The following P4HB variants were observed in gnomAD, a reference collection of about 807,000 sequenced individuals.
The protein encoded by P4HB is prolyl 4-hydroxylase subunit beta.
A neutral mutation model predicts 52.6 loss-of-function variants in P4HB; 20 were observed. The observed-to-expected ratio is 0.38, with a 90% CI of 0.27 to 0.55. The LOEUF is 0.55. P4HB is among the 20% of genes least tolerant of loss of function. The pLI, the probability that P4HB is intolerant of heterozygous loss-of-function variation, is 0.74. For synonymous variants in P4HB, 296 were observed against 277.9 expected, an observed-to-expected ratio of 1.07 and a Z score of -0.65; for missense variants, 601 against 669.2, an observed-to-expected ratio of 0.90 and a Z score of 1.12.
chr17:81,856,943 C>T (rs762070321), intron 2 of P4HB, among the ~76,000 whole-genome samples: 183 of 152,182 alleles, frequency 1.2e-3, no homozygotes, highest in African/African-American at 1.9e-3. Context: ...CCACCATGCC[C>T]GGCCAATTTT....
Position 81,845,124 on chromosome 17 carries a change from A to G in P4HB, c.1446+20T>C. Reference sequence around the variant, plus strand: ...GGGGCTGAATCCCAGAGACCAGCCCAGGGCTGTGACCCCACTCACGTCATC... The same window carrying G: ...GGGGCTGAATCCCAGAGACCAGCCCGGGGCTGTGACCCCACTCACGTCATC... On this transcript the variant is annotated intron_variant, in intron 10 of 10. Transcript: ENST00000331483. 2 of 1,586,792 alleles carry G rather than the reference A, an allele frequency of 1.3e-6. No individual in the cohort carries two copies. The highest frequency in any genetic ancestry group is 1.7e-6 in the Non-Finnish European group (2 of 1,156,346).
chr17:81,847,389 G>A (rs1192323904), intron 4 of P4HB, 42 bp from the exon 5 acceptor site: 2 of 1,533,618 alleles, frequency 1.3e-6, no homozygotes, highest in South Asian at 2.2e-5. Context: ...TTGCTGCTGG[G>A]AGCACAGCCC....
At chr17:81,847,544 G>C in intron 4 of P4HB, 197 bp from the exon 5 acceptor site, 1 of 598,888 alleles carries the variant, frequency 1.7e-6, no homozygotes. Flanking sequence ...CGGCCTTATG[G>C]CTGCCCGTGA....
intron 4 of P4HB, chr17:81,847,866 G>A (rs1454083682): frequency 6.4e-6 from 1 of 157,110 alleles, no homozygotes; most frequent in Non-Finnish European, 1.4e-5. Flanking sequence ...ATTTTTAGTC[G>A]AGATGGGGTA....
Position 81,845,214 on chromosome 17 carries a change from C to T in P4HB, c.1376G>A (p.Gly459Glu), listed in dbSNP as rs2038714761. 4 of 1,613,616 alleles carry T rather than the reference C, an allele frequency of 2.5e-6. No homozygotes were observed. The highest frequency in any genetic ancestry group is 1.7e-5 in the Admixed American group (1 of 60,006). Residue 459 changes from glycine to glutamate, a missense_variant, in exon 10 of 11, where the codon GGG (glycine) becomes GAG (glutamate). By Grantham distance (98) the Gly-to-Glu change is moderately conservative. Transcript: ENST00000331483. ...CTTAAAACCATCCAGCGTGCGTTCC[C>T]CGTTGTAATCAATGACCTGTGGAAG... ...SADRTVIDYN[G>E]ERTLDGFKKF...
intron 10 of P4HB, among the ~76,000 whole-genome samples, chr17:81,844,636 C>T (rs1318939189): frequency 6.6e-6 from 1 of 152,218 alleles, no homozygotes; most frequent in Non-Finnish European, 1.5e-5. Context: ...CCTGGGCTGA[C>T]CATGCCCTCA....
intron 10 of P4HB, among the ~76,000 whole-genome samples, chr17:81,844,456 A>C (rs1255839158): frequency 1.3e-5 from 2 of 152,204 alleles, no homozygotes; most frequent in African/African-American, 2.4e-5. Context: ...CAGCCCCAGC[A>C]TGAAGTCCAG....
intron 4 of P4HB, among the ~76,000 whole-genome samples, chr17:81,853,162 G>A (rs2038858495): frequency 6.6e-6 from 1 of 152,176 alleles, no homozygotes. Flanking sequence ...ACAGCTAAAT[G>A]ACAAGAACAA....
At chr17:81,859,695 G>A (rs1004712692) in intron 1 of P4HB, 32 of 430,688 alleles carry the variant, frequency 7.4e-5, no homozygotes, top group Non-Finnish European at 1.2e-4. Flanking sequence ...GGCAACTAAG[G>A]CAAGGATCTC....
intron 4 of P4HB, among the ~76,000 whole-genome samples, chr17:81,848,516 G>A (rs1250767475): frequency 6.6e-6 from 1 of 152,052 alleles, no homozygotes. Flanking sequence ...TGGGTGGATC[G>A]CTTGAGACCA....
rs112563895 is a variant in P4HB, at chr17:81,860,326, C to G, written c.145+1G>C. The G allele has an allele frequency of 6.8e-7, 1 of 1,460,788 alleles. No individual in the cohort carries two copies. Among genetic ancestry groups the G allele is most frequent in the Non-Finnish European group, 9.1e-7 (1 of 1,104,280 alleles). 90.5% of individuals were successfully genotyped at this position (1,460,788 alleles called of 1,614,324 possible). ...GCCCGCCCGCCAGGCCCGGCGCTCACAGAACTCCACCAGCAGGTACTTGTG... is the reference window on the plus strand; with the variant it reads ...GCCCGCCCGCCAGGCCCGGCGCTCAGAGAACTCCACCAGCAGGTACTTGTG... On this transcript the variant is annotated splice_donor_variant, in intron 1 of 10. Coordinates refer to ENST00000331483, the MANE Select transcript of P4HB (RefSeq NM_000918.4). LOFTEE classifies it high-confidence loss of function.
intron 2 of P4HB, among the ~76,000 whole-genome samples, chr17:81,857,124 G>A (rs1194434858): frequency 2.0e-5 from 3 of 152,112 alleles, no homozygotes; most frequent in Non-Finnish European, 2.9e-5. Flanking sequence ...GTTTCACCAT[G>A]TTGCCCAGGA....
intron 1 of P4HB, 163 bp from the exon 2 acceptor site, chr17:81,859,550 T>G (rs1388058675): frequency 7.8e-6 from 5 of 639,820 alleles, no homozygotes; most frequent in Non-Finnish European, 1.4e-5. Flanking sequence ...GATAGCCTGG[T>G]GTTCTTGGGC....
In P4HB at chr17:81,855,193, G is replaced by GT; in HGVS notation, c.572dup (p.Asp191GlufsTer17). ...TGTCGAGCTGGTATTTGGAGAACACGTCACTGTTGGAAGTGATCCCAAATG... is the reference window on the plus strand; with the variant it reads ...TGTCGAGCTGGTATTTGGAGAACACGTTCACTGTTGGAAGTGATCCCAAATG... On this transcript the variant is annotated frameshift_variant, in exon 4 of 11. Coordinates refer to ENST00000331483, the MANE Select transcript of P4HB (RefSeq NM_000918.4). LOFTEE classifies it high-confidence loss of function. The surrounding 1 kb of genome is among the most constrained non-coding windows in gnomAD (Gnocchi z 4.3). 6.2e-7 allele frequency: 1 copy of GT among 1,613,984 alleles called. No individual in the cohort carries two copies. Among genetic ancestry groups the GT allele is most frequent in the Non-Finnish European group, 8.5e-7 (1 of 1,179,906 alleles).
rs202226696 is a variant in P4HB, at chr17:81,846,476, C to T, written c.1009G>A (p.Glu337Lys). The T allele has an allele frequency of 1.5e-5, 24 of 1,613,852 alleles. 1 individual carries two copies. Among genetic ancestry groups the T allele is most frequent in the Middle Eastern group, 1.6e-4 (1 of 6,062 alleles). The change falls in exon 7 of 11, where the codon GAG (glutamate) becomes AAG (lysine). Residue 337 changes from glutamate (E) to lysine (K), a missense_variant. Physicochemically the swap from Glu to Lys is moderately conservative, Grantham distance 56. Transcript: ENST00000331483. The surrounding 1 kb of genome is among the most constrained non-coding windows in gnomAD (Gnocchi z 5.7). ...YKPESEELTA[E>K]RITEFCHRFL... ...CGGTGGCAGAACTCTGTGATCCTCT[C>T]TGCCGTCAGCTCCTCCGATTCGGGC...
intron 4 of P4HB, among the ~76,000 whole-genome samples, chr17:81,852,190 A>G (rs143492064): frequency 2.0e-5 from 3 of 152,258 alleles, no homozygotes; most frequent in East Asian, 3.9e-4. Context: ...TCAAACAACA[A>G]TAACAGGCCC....
At chr17:81,859,708 C>T (rs1277297585) in intron 1 of P4HB, 1 of 394,426 alleles carries the variant, frequency 2.5e-6, no homozygotes, top group Non-Finnish European at 4.7e-6. Flanking sequence ...AGGATCTCCC[C>T]TAGACTTTCC....
Position 81,846,738 on chromosome 17 carries a change from T to C in P4HB, c.856-109A>G. On this transcript the variant is annotated intron_variant, in intron 6 of 10. Coordinates refer to ENST00000331483, the MANE Select transcript of P4HB (RefSeq NM_000918.4). This position sits in a 1 kb window ranked among gnomAD's most constrained non-coding sequence, Gnocchi z 5.7. ...GCTCCGGTGCCTTTTTCCTCCAACC[T>C]GGATTCCGGGGTTGCCCAACCAGAC... is the stretch of plus-strand genomic sequence containing the variant. 7.7e-7 allele frequency: 1 copy of C among 1,300,674 alleles called. No homozygotes were observed. Among genetic ancestry groups the C allele is most frequent in the Non-Finnish European group, 1.1e-6 (1 of 925,326 alleles). 80.6% of individuals were successfully genotyped at this position (1,300,674 alleles called of 1,614,324 possible). A position where few individuals can be genotyped will look rare whatever the true frequency, so the allele number is the denominator to read the frequency against.
Position 81,846,891 on chromosome 17 carries a change from A to G in P4HB, c.855+56T>C. 6.2e-7 allele frequency: 1 copy of G among 1,605,868 alleles called. No homozygotes were observed. Among genetic ancestry groups the G allele is most frequent in the Non-Finnish European group, 8.5e-7 (1 of 1,175,310 alleles). The stretch of plus-strand genomic sequence containing the variant: ...AAGGCCCCACACTTGTCACCTCGGG[A>G]AGAGTTGTACTGCTCCCTGGCACCG... On this transcript the variant is annotated intron_variant, in intron 6 of 10. Transcript: ENST00000331483. This position sits in a 1 kb window ranked among gnomAD's most constrained non-coding sequence, Gnocchi z 5.7.
Sources: gnomAD v4.1 joint callset for allele counts (sites outside exome capture counted in the v4.1 genomes callset) on GRCh38, gnomAD v4.1.1 for gene constraint, Gnocchi (gnomAD v3.1) non-coding constraint, MANE v1.5 for transcripts, NCBI Gene and HGNC (gene_info 2026-07-23, HGNC 2026-07-21) for gene names.